MMP15: variants seen among roughly 807,000 people sequenced by gnomAD.
The protein encoded by MMP15 is matrix metalloproteinase-15.
A neutral mutation model predicts 65.0 loss-of-function variants in MMP15; 36 were observed. The observed-to-expected ratio is 0.55, with a 90% CI of 0.42 to 0.73. The LOEUF is 0.73. Among genes scored for constraint, MMP15 ranks in the 30% least tolerant of loss-of-function variants. MMP15 has a pLI of 0.00. For missense variants in MMP15, 870 were observed against 987.8 expected, an observed-to-expected ratio of 0.88 and a Z score of 1.60; for synonymous variants, 428 against 410.2, an observed-to-expected ratio of 1.04 and a Z score of -0.52.
intron 7 of MMP15, among the ~76,000 whole-genome samples, chr16:58,043,008 G>A (rs1291470102): frequency 2.6e-5 from 4 of 152,158 alleles, no homozygotes; most frequent in Non-Finnish European, 1.5e-5. Context: ...GGGTGTGAGC[G>A]GGTGACTCTT....
At position 58,039,388 on chromosome 16, in the gene MMP15, C is replaced by T. The variant is rs41445247; in HGVS notation, c.441-487C>T. Among the ~76,000 whole-genome samples the T allele has an allele frequency of 3.7e-3, 568 of 152,332 alleles. 1 individual carries two copies. The highest frequency in any genetic ancestry group is 0.013 in the African/African-American group (547 of 41,572). ...TGGAGGTTGCAGTGAGCCGAGATTG[C>T]GCCACTGCGCTCCAGCCCGGGTGAC... On this transcript the variant is annotated intron_variant, in intron 3 of 9. Coordinates refer to ENST00000219271, the MANE Select transcript of MMP15 (RefSeq NM_002428.4).
At chr16:58,032,585 G>A (rs1173521520) in intron 1 of MMP15, among the ~76,000 whole-genome samples, 3 of 152,224 alleles carry the variant, frequency 2.0e-5, no homozygotes, top group African/African-American at 4.8e-5. Flanking sequence ...GCTGATCCAG[G>A]TGGGCCCTGT....
At chr16:58,031,013 T>G (rs1963884277) in intron 1 of MMP15, among the ~76,000 whole-genome samples, 1 of 152,176 alleles carries the variant, frequency 6.6e-6, no homozygotes, top group Non-Finnish European at 1.5e-5. Context: ...TTCAACATAC[T>G]TGTGTCTGTT....
chr16:58,045,793 C>A lies in MMP15; in HGVS notation c.*347C>A. The stretch of plus-strand genomic sequence containing the variant: ...AGCAGCACCTCCTCAGCCTGAACCC[C>A]AGGGCTGTAACTGCCAGGCTCTCTT... On this transcript the variant is annotated 3_prime_UTR_variant, in exon 10 of 10. Coordinates refer to ENST00000219271, the MANE Select transcript of MMP15 (RefSeq NM_002428.4). 1 of 273,636 alleles carries A rather than the reference C, an allele frequency of 3.7e-6. No individual in the cohort carries two copies. Among genetic ancestry groups the A allele is most frequent in the East Asian group, 8.1e-5 (1 of 12,330 alleles). The allele number at this position is 273,636 out of a possible 1,614,324, so 17.0% of individuals were successfully genotyped here.
intron 1 of MMP15, 30 bp downstream of exon 1, chr16:58,026,542 G>A: frequency 7.7e-7 from 1 of 1,299,878 alleles, no homozygotes; most frequent in South Asian, 2.2e-5. Flanking sequence ...CTTTGGCTGC[G>A]GGCTGGGGGC....
intron 3 of MMP15, among the ~76,000 whole-genome samples, chr16:58,038,676 G>C (rs1054134782): frequency 2.6e-5 from 4 of 152,192 alleles, no homozygotes; most frequent in Admixed American, 1.3e-4. Context: ...AGCAAGGGAT[G>C]GGGGATGGCT....
chr16:58,038,602 C>A (rs1423165430), intron 3 of MMP15, among the ~76,000 whole-genome samples: 3 of 152,218 alleles, frequency 2.0e-5, no homozygotes, highest in Non-Finnish European at 4.4e-5. Flanking sequence ...CCACCCCCCA[C>A]CTCCCTGCAG....
At position 58,026,292 on chromosome 16, in the gene MMP15, C is replaced by T; in HGVS notation, c.-59C>T. On this transcript the variant is annotated 5_prime_UTR_variant, in exon 1 of 10. Transcript: ENST00000219271. Reference sequence around the variant, plus strand: ...AGGAGCCAGGGAGCGTCGCAAGTTTCCAAGGCGCGTGCGAGGATCCGGCGT... The same window carrying T: ...AGGAGCCAGGGAGCGTCGCAAGTTTTCAAGGCGCGTGCGAGGATCCGGCGT... 1 of 1,247,418 alleles carries T rather than the reference C, an allele frequency of 8.0e-7. No individual in the cohort carries two copies. Among genetic ancestry groups the T allele is most frequent in the Non-Finnish European group, 1.0e-6 (1 of 995,892 alleles). 77.3% of individuals were successfully genotyped at this position (1,247,418 alleles called of 1,614,324 possible).
intron 5 of MMP15, among the ~76,000 whole-genome samples, 164 bp from the exon 6 acceptor site, chr16:58,041,453 A>G (rs1330686199): frequency 6.6e-6 from 1 of 152,026 alleles, no homozygotes. Context: ...TAGAAGGAGG[A>G]GGACCCAGGT....
rs1384066482 is a variant in MMP15, at chr16:58,041,889, T to C, written c.1164+19T>C. On this transcript the variant is annotated intron_variant, in intron 6 of 9. Coordinates refer to ENST00000219271, the MANE Select transcript of MMP15 (RefSeq NM_002428.4). ...GTTCAAGGTCTGGCCCCGCCTCCCA[T>C]GCCTGGCCCTGAGCCTTTTCCCTGG... 1 of 1,558,854 alleles carries C rather than the reference T, an allele frequency of 6.4e-7. No homozygotes were observed. The highest frequency in any genetic ancestry group is 8.7e-7 in the Non-Finnish European group (1 of 1,153,388).
rs573872592 is a variant in MMP15 at position 58,046,828 on chromosome 16, G to A, written c.*1382G>A. 1.5e-4 allele frequency: 23 copies of A among 152,782 alleles called. No individual in the cohort carries two copies. Among genetic ancestry groups the A allele is most frequent in the African/African-American group, 5.1e-4 (21 of 41,574 alleles). The allele number at this position is 152,782 out of a possible 1,614,324, so 9.5% of individuals were successfully genotyped here. A position where few individuals can be genotyped will look rare whatever the true frequency, so the allele number is the denominator to read the frequency against. On this transcript the variant is annotated 3_prime_UTR_variant, in exon 10 of 10. Transcript: ENST00000219271. ...AGAGCCAGCTAAGGGGTGGGGCTGCGGGGGTTCCGTGTCCACCCCCATACA... is the reference window on the plus strand; with the variant it reads ...AGAGCCAGCTAAGGGGTGGGGCTGCAGGGGTTCCGTGTCCACCCCCATACA...
At chr16:58,044,946 G>A in intron 9 of MMP15, 61 bp from the exon 10 acceptor site, 1 of 1,583,134 alleles carries the variant, frequency 6.3e-7, no homozygotes, top group South Asian at 1.1e-5. Flanking sequence ...CCTGGCCTTT[G>A]ATGGTTCTCA....
chr16:58,041,665 C>T lies in MMP15; in HGVS notation c.959C>T (p.Thr320Met), dbSNP rs539694635. ...PQPTQPLPTVTPRRPGRPDHR... is the reference protein window; with the variant it reads ...PQPTQPLPTVMPRRPGRPDHR... ...CCTACCCAGCCTCTCCCCACTGTGA[C>T]GCCACGGCGGCCAGGCCGGCCTGAC... Residue 320 changes from threonine to methionine, a missense_variant, in exon 6 of 10, where the codon ACG (threonine) becomes ATG (methionine). Thr to Met is a moderately conservative substitution (Grantham distance 81, BLOSUM62 -1). Transcript: ENST00000219271. 9.6e-5 allele frequency: 152 copies of T among 1,581,028 alleles called. No homozygotes were observed. Among genetic ancestry groups the T allele is most frequent in the Non-Finnish European group, 1.1e-4 (130 of 1,163,840 alleles).
At position 58,043,265 on chromosome 16, in the gene MMP15, G is replaced by A. The variant is rs201292934; in HGVS notation, c.1359G>A (p.Pro453=). The A allele has an allele frequency of 1.8e-4, 295 of 1,601,772 alleles. No individual in the cohort carries two copies. The highest frequency in any genetic ancestry group is 2.4e-4 in the Non-Finnish European group (278 of 1,173,580). The change falls in exon 8 of 10, where the codon CCG becomes CCA. Residue 453 remains proline, a synonymous_variant. Coordinates refer to ENST00000219271, the MANE Select transcript of MMP15 (RefSeq NM_002428.4). ...EANLEPGYPQ[P]LTSYGLGIPY... ...ACCTGGAGCCCGGCTACCCACAGCC[G>A]CTGACCAGCTATGGCCTGGGCATCC...
intron 3 of MMP15, among the ~76,000 whole-genome samples, chr16:58,039,573 C>T (rs144705678): frequency 0.017 from 2,531 of 152,348 alleles, 40 homozygotes; most frequent in Non-Finnish European, 0.022. Flanking sequence ...TTTCCCAAAC[C>T]TCACTCATTT....
chr16:58,031,853 C>CTTTTTTTTTT lies in MMP15; in HGVS notation c.162+5363_162+5372dup, dbSNP rs749779284. On this transcript the variant is annotated intron_variant, in intron 1 of 9. Coordinates refer to ENST00000219271, the MANE Select transcript of MMP15 (RefSeq NM_002428.4). ...CAAGGAGGACCTGGCTCGATGCCGC[C>CTTTTTTTTTT]TTTTTTTTTTTTTTTTTTTTTTTTT... Among the ~76,000 whole-genome samples, 5 of 57,710 alleles carry CTTTTTTTTTT rather than the reference C, an allele frequency of 8.7e-5. 1 individual carries two copies. Among genetic ancestry groups the CTTTTTTTTTT allele is most frequent in the African/African-American group, 4.1e-4 (5 of 12,088 alleles). 37.9% of individuals were successfully genotyped at this position (57,710 alleles called of 152,430 possible).
rs1239674554 is a variant in MMP15, at chr16:58,043,386, G to A, written c.1454+26G>A. ...GTGAGCAGTGCGTCCCTCCCCTAAG[G>A]GGAGAAGGCCCCATCTAGGCCCCCC... On this transcript the variant is annotated intron_variant, in intron 8 of 9. Transcript: ENST00000219271. 5 of 1,597,722 alleles carry A rather than the reference G, an allele frequency of 3.1e-6. No homozygotes were observed. The African/African-American group carries it at 5.4e-5, about 17-fold the overall frequency.
chr16:58,032,448 G>A (rs1014410308), intron 1 of MMP15, among the ~76,000 whole-genome samples: 5 of 152,110 alleles, frequency 3.3e-5, no homozygotes, highest in Admixed American at 2.6e-4. Context: ...GGCAGTGAGC[G>A]CCCCCTGTCT....
chr16:58,043,493 C>T lies in MMP15; in HGVS notation c.1455-19C>T, dbSNP rs1221256253. 6.2e-7 allele frequency: 1 copy of T among 1,612,634 alleles called. No individual in the cohort carries two copies. The highest frequency in any genetic ancestry group is 8.5e-7 in the Non-Finnish European group (1 of 1,179,070). On this transcript the variant is annotated intron_variant, in intron 8 of 9. Coordinates refer to ENST00000219271, the MANE Select transcript of MMP15 (RefSeq NM_002428.4). ...CAAGCAGGATCTCTAGGTCCACAGC[C>T]TGGTGCTTTTGTTCACAGGTACTGG...
Sources: allele counts gnomAD v4.1 joint callset (sites outside exome capture counted in the v4.1 genomes callset), GRCh38; gene constraint gnomAD v4.1.1; transcripts MANE v1.5; gene names NCBI Gene and HGNC (gene_info 2026-07-23, HGNC 2026-07-21).